Variants in COL11A1 observed in about 807,000 individuals in gnomAD.
COL11A1 encodes the protein collagen alpha-1(XI) chain.
A neutral mutation model predicts 265.2 loss-of-function variants in COL11A1; 74 were observed. The ratio of observed to expected loss-of-function variants is 0.28; its 90% confidence interval spans 0.23 to 0.34. The LOEUF (loss-of-function observed/expected upper bound fraction) is 0.34, where lower values mean the gene tolerates loss of function less well. Among genes scored for constraint, COL11A1 ranks in the 10% least tolerant of loss-of-function variants. The probability of loss-of-function intolerance (pLI) is 1.00; values close to 1 mark genes in which losing one functional copy is unlikely to be tolerated. For missense variants in COL11A1, 2,165 were observed against 2,263.6 expected (o/e 0.96, Z 0.88); for synonymous variants, 816 against 727.6 (o/e 1.12, Z -1.96).
At chr1:102,905,209 AC>A (rs1369894501) in intron 54 of COL11A1, among the ~76,000 whole-genome samples, 2 of 117,740 alleles carry the variant, frequency 1.7e-5, no homozygotes, top group Non-Finnish European at 3.3e-5. Context: ...AACATCACAC[AC>A]CAGGGACTGT....
intron 12 of COL11A1, 109 bp downstream of exon 12, chr1:103,015,559 C>T: frequency 2.4e-6 from 2 of 838,822 alleles, no homozygotes; most frequent in Admixed American, 2.5e-5. Flanking sequence ...GTATTTCTAC[C>T]TTGTACAATG....
chr1:103,046,065 G>A lies in COL11A1; in HGVS notation c.652-14821C>T, dbSNP rs530572462. Among the ~76,000 whole-genome samples, 5 of 151,536 alleles carry A rather than the reference G, an allele frequency of 3.3e-5. No homozygotes were observed. The South Asian group carries it at 1.0e-3, about 32-fold the overall frequency. ...CCAAGTCTTTGCTATTTTGAATAGT[G>A]CTGCAATAAACATACGTGTGCATGT... On this transcript the variant is annotated intron_variant, in intron 4 of 66. Coordinates refer to ENST00000370096, the MANE Select transcript of COL11A1 (RefSeq NM_001854.4).
chr1:103,097,537 C>G (rs971521834), intron 1 of COL11A1, among the ~76,000 whole-genome samples: 2 of 151,968 alleles, frequency 1.3e-5, no homozygotes, highest in Non-Finnish European at 1.5e-5. Flanking sequence ...TTCAAAGCAT[C>G]TAGCATAGCT....
At position 102,978,737 on chromosome 1, in the gene COL11A1, C is replaced by T. The variant is rs779028602; in HGVS notation, c.2725G>A (p.Asp909Asn). Residue 909 changes from aspartate to asparagine, a missense_variant, in exon 35 of 67, where the codon GAT becomes AAT. Coordinates refer to ENST00000370096, the MANE Select transcript of COL11A1 (RefSeq NM_001854.4). ...TCACCTGGAGGGCCAGGAGGGCCAT[C>T]GCCACCTGAAGTGCCCTGGCACCAA... ...KPGPKGTSGG[D>N]GPPGPPGERG... 6 of 1,614,002 alleles carry T rather than the reference C, an allele frequency of 3.7e-6. No homozygotes were observed. Among genetic ancestry groups the T allele is most frequent in the Admixed American group, 1.7e-5 (1 of 59,996 alleles).
In COL11A1 at chr1:102,998,327, C is replaced by G. The variant is rs1388009608; in HGVS notation, c.2179G>C (p.Gly727Arg). The change falls in exon 25 of 67, where the codon GGT (glycine) becomes CGT (arginine). Residue 727 changes from glycine (G) to arginine (R), a missense_variant. Gly to Arg is a moderately radical substitution (Grantham distance 125). Transcript: ENST00000370096. ...TTACTTACAGGAGGCCCATCAGCAC[C>G]AGGAAGTCCAGCAAGTCCTGGTTTT... Reference protein sequence around the residue: ...QGKPGLAGLPGADGPPGHPGK... With the variant: ...QGKPGLAGLPRADGPPGHPGK... 1 of 1,605,664 alleles carries G rather than the reference C, an allele frequency of 6.2e-7. No individual in the cohort carries two copies. Among genetic ancestry groups the G allele is most frequent in the Admixed American group, 1.7e-5 (1 of 59,698 alleles).
intron 24 of COL11A1, among the ~76,000 whole-genome samples, chr1:103,000,505 G>T (rs185306534): frequency 6.6e-6 from 1 of 151,840 alleles, no homozygotes; most frequent in Non-Finnish European, 1.5e-5. Flanking sequence ...CATGTGAAAA[G>T]ATGTTCAACA....
intron 47 of COL11A1, 98 bp from the exon 48 acceptor site, chr1:102,921,669 T>C: frequency 1.9e-6 from 2 of 1,031,936 alleles, no homozygotes; most frequent in Non-Finnish European, 3.0e-6. Flanking sequence ...AGTTTAAGCT[T>C]GTAAAAACTA....
intron 4 of COL11A1, among the ~76,000 whole-genome samples, chr1:103,050,055 G>A (rs1669669849): frequency 6.6e-6 from 1 of 152,032 alleles, no homozygotes; most frequent in Admixed American, 6.6e-5. Flanking sequence ...TTTCAACTTT[G>A]GTGAATCTGA....
At chr1:103,009,961 T>C (rs1665961375) in intron 14 of COL11A1, among the ~76,000 whole-genome samples, 1 of 152,186 alleles carries the variant, frequency 6.6e-6, no homozygotes, top group African/African-American at 2.4e-5. Flanking sequence ...AATTATAGAA[T>C]GGACTATTTT....
intron 65 of COL11A1, among the ~76,000 whole-genome samples, chr1:102,881,144 T>C (rs998396138): frequency 2.0e-5 from 3 of 152,114 alleles, no homozygotes; most frequent in East Asian, 1.9e-4. Context: ...TAAAATACTT[T>C]AAACACATGT....
chr1:102,993,865 T>C (rs1352505345), intron 28 of COL11A1, among the ~76,000 whole-genome samples: 2 of 152,136 alleles, frequency 1.3e-5, no homozygotes, highest in Non-Finnish European at 1.5e-5. Flanking sequence ...ATTTAATTTT[T>C]TGTTTTTCTA....
At chr1:103,025,285 T>G (rs1169504522) in intron 7 of COL11A1, among the ~76,000 whole-genome samples, 3 of 152,196 alleles carry the variant, frequency 2.0e-5, no homozygotes, top group African/African-American at 7.2e-5. Context: ...CAATTCAGTT[T>G]GATCAATTTA....
chr1:103,010,925 C>G (rs749862831), intron 14 of COL11A1, among the ~76,000 whole-genome samples: 1 of 152,236 alleles, frequency 6.6e-6, no homozygotes, highest in South Asian at 2.1e-4. Flanking sequence ...GTCTCGAACT[C>G]CCAACCTTAG....
chr1:103,083,631 T>A (rs2102328806), intron 1 of COL11A1, among the ~76,000 whole-genome samples: 1 of 152,170 alleles, frequency 6.6e-6, no homozygotes, highest in East Asian at 1.9e-4. Flanking sequence ...TTTCCTGAGT[T>A]AGTTATTTAC....
chr1:103,065,966 A>C (rs564132769), intron 4 of COL11A1, among the ~76,000 whole-genome samples: 11 of 152,328 alleles, frequency 7.2e-5, no homozygotes, highest in African/African-American at 2.6e-4. Context: ...GTGCATCAGA[A>C]AACACAGGGA....
chr1:103,055,304 T>C (rs1670157655), intron 4 of COL11A1, among the ~76,000 whole-genome samples: 1 of 152,234 alleles, frequency 6.6e-6, no homozygotes, highest in African/African-American at 2.4e-5. Context: ...CAATAAATAT[T>C]ATGTTATCAT....
chr1:103,060,952 A>T (rs1670630149), intron 4 of COL11A1, among the ~76,000 whole-genome samples: 1 of 151,790 alleles, frequency 6.6e-6, no homozygotes, highest in Admixed American at 6.6e-5. Context: ...ACACTCATTA[A>T]AGACAGGTTG....
chr1:102,884,514 G>A (rs899280477), intron 63 of COL11A1: 2 of 152,194 alleles, frequency 1.3e-5, no homozygotes, highest in African/African-American at 4.8e-5. Flanking sequence ...GATCTCAGGA[G>A]GTGGGCTACT....
intron 54 of COL11A1, 48 bp from the exon 55 acceptor site, chr1:102,899,042 A>G: frequency 9.0e-7 from 1 of 1,111,956 alleles, no homozygotes; most frequent in Non-Finnish European, 1.3e-6. Context: ...TATAAAAGTA[A>G]TGTTAATGAG....
Sources: allele counts gnomAD v4.1 joint callset (sites outside exome capture counted in the v4.1 genomes callset), GRCh38; gene constraint gnomAD v4.1.1; transcripts MANE v1.5; gene names NCBI Gene and HGNC (gene_info 2026-07-23, HGNC 2026-07-21).